Variants in DHTKD1 observed in about 807,000 individuals in gnomAD.
DHTKD1 encodes the protein 2-oxoadipate dehydrogenase complex component E1.
In DHTKD1, 78 loss-of-function variants were observed where a neutral mutation model predicts 101.8. That is an observed-to-expected ratio of 0.77 (90% CI 0.64 to 0.93). The LOEUF is 0.93. DHTKD1 is among the 40% of genes least tolerant of loss of function. The probability of loss-of-function intolerance (pLI) is 0.00; values close to 1 mark genes in which losing one functional copy is unlikely to be tolerated. For synonymous variants in DHTKD1, 462 were observed against 450.3 expected (o/e 1.03, Z -0.33); for missense variants, 1,223 against 1,161.7 (o/e 1.05, Z -0.77).
Position 12,120,930 on chromosome 10 carries a change from G to A in DHTKD1, c.*42G>A, listed in dbSNP as rs1195340647. The stretch of plus-strand genomic sequence containing the variant: ...AACACTATTTCTCTTTAAGAAAATG[G>A]CCATTAAGGCCGGGTGGGGTGGCAC... On this transcript the variant is annotated 3_prime_UTR_variant, in exon 17 of 17. Transcript: ENST00000263035. The A allele has an allele frequency of 6.3e-7, 1 of 1,585,454 alleles. No homozygotes were observed. Among genetic ancestry groups the A allele is most frequent in the Admixed American group, 1.7e-5 (1 of 59,236 alleles).
chr10:12,075,436 T>C (rs911494503), intron 1 of DHTKD1, among the ~76,000 whole-genome samples: 1 of 152,136 alleles, frequency 6.6e-6, no homozygotes, highest in Non-Finnish European at 1.5e-5. Context: ...GAGATGGGGT[T>C]TCAGCGTGTT....
intron 1 of DHTKD1, among the ~76,000 whole-genome samples, chr10:12,080,609 G>A (rs976520383): frequency 6.6e-6 from 1 of 151,678 alleles, no homozygotes; most frequent in Non-Finnish European, 1.5e-5. Context: ...TACTCGGGAG[G>A]TTGAGGCAGG....
chr10:12,078,610 C>CA (rs945898021), intron 1 of DHTKD1, among the ~76,000 whole-genome samples: 2 of 151,812 alleles, frequency 1.3e-5, no homozygotes, highest in African/African-American at 4.8e-5. Context: ...GACTCCGTCT[C>CA]AAAAAAAAGA....
chr10:12,115,931 T>A (rs1833409433), intron 13 of DHTKD1, among the ~76,000 whole-genome samples: 1 of 150,146 alleles, frequency 6.7e-6, no homozygotes, highest in South Asian at 2.1e-4. Flanking sequence ...CCCAGCAATT[T>A]TTTTTTTTTT....
At position 12,120,253 on chromosome 10, in the gene DHTKD1, C is replaced by T; in HGVS notation, c.2644C>T (p.Gln882Ter). 1.9e-6 allele frequency: 3 copies of T among 1,613,504 alleles called. No homozygotes were observed. In the East Asian group the frequency reaches 6.7e-5, roughly 36 times the overall value. The stretch of plus-strand genomic sequence containing the variant: ...GTTTGTTTCTCCAAGGTTTGAAAAG[C>T]AGCTGGCCTGCAAGGTAATCACACG... ...WSFVSPRFEK[Q>*]LACKLRLVGR... Residue 882 changes from glutamine (Q) to a stop codon, truncating the protein, a stop_gained, in exon 16 of 17, where the codon CAG becomes TAG. Transcript: ENST00000263035. LOFTEE classifies it high-confidence loss of function.
In DHTKD1 at chr10:12,091,640, C is replaced by T; in HGVS notation, c.1115C>T (p.Thr372Ile). 6.2e-7 allele frequency: 1 copy of T among 1,613,832 alleles called. No individual in the cohort carries two copies. The highest frequency in any genetic ancestry group is 8.5e-7 in the Non-Finnish European group (1 of 1,179,956). Residue 372 changes from threonine (T) to isoleucine (I), a missense_variant, in exon 6 of 17, where the codon ACT becomes ATT. Transcript: ENST00000263035. The stretch of plus-strand genomic sequence containing the variant: ...GTTAATAACCAGCTGGGTTACACCA[C>T]TCCAGCTGAAAGAGGAAGGTCTTCT... ...LIVNNQLGYT[T>I]PAERGRSSLY...
intron 11 of DHTKD1, 83 bp downstream of exon 11, chr10:12,106,479 C>A: frequency 6.5e-7 from 1 of 1,547,814 alleles, no homozygotes; most frequent in African/African-American, 1.4e-5. Context: ...TGAAAAGGGG[C>A]CACTGCTGCC....
chr10:12,097,707 C>A lies in DHTKD1; in HGVS notation c.1382C>A (p.Thr461Lys), dbSNP rs201559023. The A allele has an allele frequency of 3.3e-5, 53 of 1,613,486 alleles. No homozygotes were observed. In the Admixed American group the frequency reaches 4.5e-4, roughly 14 times the overall value. ...AGAGCTCGAAAGAGCATTCCAGACA[C>A]ATATGCAGAGCACCTCATTGCTGGC... ...IIRARKSIPDTYAEHLIAGGL... is the reference protein window; with the variant it reads ...IIRARKSIPDKYAEHLIAGGL... Residue 461 changes from threonine to lysine, a missense_variant, in exon 8 of 17, where the codon ACA becomes AAA. Transcript: ENST00000263035.
intron 1 of DHTKD1, among the ~76,000 whole-genome samples, chr10:12,073,246 T>G (rs1452317777): frequency 1.3e-5 from 2 of 152,016 alleles, no homozygotes; most frequent in Admixed American, 6.6e-5. Context: ...TTGGCCAGGG[T>G]GGTATCGAAC....
Position 12,101,073 on chromosome 10 carries a change from T to C in DHTKD1, c.1788T>C (p.Val596=). ...ATGTTCGTCTAAGTGGCCAAGATGT[T>C]GGTCGTGGAACTTTCAGTCAGAGGC... ...GFNVRLSGQD[V]GRGTFSQRHA... Residue 596 remains valine, a synonymous_variant, in exon 10 of 17, where the codon GTT becomes GTC. Transcript: ENST00000263035. The C allele has an allele frequency of 6.2e-7, 1 of 1,614,146 alleles. No homozygotes were observed. The highest frequency in any genetic ancestry group is 8.5e-7 in the Non-Finnish European group (1 of 1,180,024).
Position 12,121,357 on chromosome 10 carries a change from A to G in DHTKD1, c.*469A>G, listed in dbSNP as rs1252065409. The G allele has an allele frequency of 6.3e-6, 1 of 157,994 alleles. No individual in the cohort carries two copies. The highest frequency in any genetic ancestry group is 6.1e-5 in the Admixed American group (1 of 16,488). The allele number at this position is 157,994 out of a possible 1,614,324, so 9.8% of individuals were successfully genotyped here. Reference sequence around the variant, plus strand: ...ACGTGATTTAATCTGCAATAGGTGGAATAACCAGGGGAACTGGTTATGAAT... The same window carrying G: ...ACGTGATTTAATCTGCAATAGGTGGGATAACCAGGGGAACTGGTTATGAAT... On this transcript the variant is annotated 3_prime_UTR_variant, in exon 17 of 17. Transcript: ENST00000263035.
chr10:12,084,343 TA>T (rs985867916), intron 2 of DHTKD1, among the ~76,000 whole-genome samples, 196 bp from the exon 3 acceptor site: 13 of 151,976 alleles, frequency 8.6e-5, no homozygotes, highest in African/African-American at 3.1e-4. Flanking sequence ...TATGAAAATT[TA>T]TTTTGCATAG....
intron 10 of DHTKD1, among the ~76,000 whole-genome samples, chr10:12,101,946 T>C (rs981648518): frequency 6.6e-6 from 1 of 152,198 alleles, no homozygotes; most frequent in Non-Finnish European, 1.5e-5. Context: ...GTGCCCTCTG[T>C]AGTGCCTTAA....
rs1184296488 is a variant in DHTKD1, at chr10:12,106,987, C to CT, written c.2047+606dup. ...GAGAGCTGCCCATTCTTTTTCTTTT[C>CT]TTTTTTTTTTTTTTTGAGACGGAGT... On this transcript the variant is annotated intron_variant, in intron 11 of 16. Transcript: ENST00000263035. 6.0e-3 allele frequency among the ~76,000 whole-genome samples: 853 copies of CT among 141,628 alleles called. 7 individuals are homozygous for CT. The highest frequency in any genetic ancestry group is 0.045 in the East Asian group (218 of 4,878). 92.9% of individuals were successfully genotyped at this position (141,628 alleles called of 152,430 possible).
At chr10:12,077,320 T>C (rs1341561300) in intron 1 of DHTKD1, among the ~76,000 whole-genome samples, 1 of 151,812 alleles carries the variant, frequency 6.6e-6, no homozygotes, top group African/African-American at 2.4e-5. Context: ...CTCTGCCTCC[T>C]GGGTTCAAGC....
At position 12,106,231 on chromosome 10, in the gene DHTKD1, C is replaced by T. The variant is rs767082732; in HGVS notation, c.1897-15C>T. On this transcript the variant is annotated splice_polypyrimidine_tract_variant and intron_variant, in intron 10 of 16. Coordinates refer to ENST00000263035, the MANE Select transcript of DHTKD1 (RefSeq NM_018706.7). ...GCCCTCACATGCAGCGTTTCCTTCT[C>T]TTCTCTGGGATTAGGTCAGCAACAG... The T allele has an allele frequency of 1.2e-5, 19 of 1,614,124 alleles. No individual in the cohort carries two copies. In the Admixed American group the frequency reaches 1.8e-4, roughly 16 times the overall value.
chr10:12,091,925 C>T (rs1832996733), intron 6 of DHTKD1, among the ~76,000 whole-genome samples: 2 of 151,910 alleles, frequency 1.3e-5, no homozygotes, highest in Non-Finnish European at 2.9e-5. Flanking sequence ...TTGCCTCAGC[C>T]TCCTGATTAG....
chr10:12,108,082 C>T (rs1327688707), intron 12 of DHTKD1, 67 bp downstream of exon 12: 9 of 1,216,396 alleles, frequency 7.4e-6, no homozygotes, highest in East Asian at 7.1e-5. Flanking sequence ...CTACCTCCTG[C>T]GGATAGCTTA....
rs973315982 is a variant in DHTKD1 at position 12,103,565 on chromosome 10, G to T, written c.1896+2384G>T. ...AGGTCCTCCTCTGTTGCCTAGGCTGGAGTCCCACAGTGCAATTATAGCTCA... is the reference window on the plus strand; with the variant it reads ...AGGTCCTCCTCTGTTGCCTAGGCTGTAGTCCCACAGTGCAATTATAGCTCA... On this transcript the variant is annotated intron_variant, in intron 10 of 16. Transcript: ENST00000263035. The surrounding 1 kb of genome is among the most constrained non-coding windows in gnomAD (Gnocchi z 4.8). 2.0e-5 allele frequency among the ~76,000 whole-genome samples: 3 copies of T among 150,974 alleles called. No individual in the cohort carries two copies. The highest frequency in any genetic ancestry group is 7.3e-5 in the African/African-American group (3 of 41,170).
Sources: gnomAD v4.1 joint callset for allele counts (sites outside exome capture counted in the v4.1 genomes callset) on GRCh38, gnomAD v4.1.1 for gene constraint, Gnocchi (gnomAD v3.1) non-coding constraint, MANE v1.5 for transcripts, NCBI Gene and HGNC (gene_info 2026-07-23, HGNC 2026-07-21) for gene names.